The following ACACA variants were observed in gnomAD, a reference collection of about 807,000 sequenced individuals.
The protein encoded by ACACA is acetyl-CoA carboxylase 1.
Under a neutral mutation model 296.1 loss-of-function variants are expected in ACACA, and 103 were observed. That is an observed-to-expected ratio of 0.35 (90% CI 0.30 to 0.41). The LOEUF is 0.41. Ranked by LOEUF, ACACA falls within the 10% of genes least tolerant of loss-of-function variation. The pLI is 1.00. For synonymous variants in ACACA, 953 were observed against 1,038.6 expected (o/e 0.92, Z 1.58); for missense variants, 1,554 against 2,989.7 (o/e 0.52, Z 11.20).
At chr17:37,331,878 C>T (rs961527612) in intron 2 of ACACA, among the ~76,000 whole-genome samples, 33 of 151,646 alleles carry the variant, frequency 2.2e-4, no homozygotes, top group Non-Finnish European at 5.9e-5. Context: ...TTAAAACAAA[C>T]TCCAGATAGG....
chr17:37,310,568 T>C (rs1038436127), intron 3 of ACACA, among the ~76,000 whole-genome samples: 10 of 151,590 alleles, frequency 6.6e-5, no homozygotes, highest in Non-Finnish European at 1.2e-4. Context: ...CAGAGGCAGG[T>C]GGATCACCTG....
intron 52 of ACACA, 39 bp downstream of exon 52, chr17:37,111,492 A>C (rs1567672857): frequency 2.0e-6 from 3 of 1,472,050 alleles, no homozygotes; most frequent in Non-Finnish European, 2.9e-6. Flanking sequence ...AAATCAGCTG[A>C]ATGGCTCATT....
In ACACA at chr17:37,121,417, T is replaced by C. The variant is rs781108413; in HGVS notation, c.6212A>G (p.Asn2071Ser). 9 of 1,614,034 alleles carry C rather than the reference T, an allele frequency of 5.6e-6. No individual in the cohort carries two copies. Among genetic ancestry groups the C allele is most frequent in the African/African-American group, 5.3e-5 (4 of 74,910 alleles). Residue 2071 changes from asparagine to serine, a missense_variant, in exon 50 of 56, where the codon AAC (asparagine) becomes AGC (serine). By Grantham distance (46) the Asn-to-Ser change is conservative. Coordinates refer to ENST00000616317, the MANE Select transcript of ACACA (RefSeq NM_198834.3). ...FKTYQAIKDFNREGLPLMVFA... is the reference protein window; with the variant it reads ...FKTYQAIKDFSREGLPLMVFA... ...GACCATCAGAGGCAGCCCTTCCCGG[T>C]TGAAGTCCTTGATGGCCTGATACGT... is the stretch of plus-strand genomic sequence containing the variant.
Position 37,379,985 on chromosome 17 carries a change from C to T in ACACA, c.38+26277G>A, listed in dbSNP as rs1300949965. On this transcript the variant is annotated intron_variant, in intron 1 of 55. Transcript: ENST00000616317. The stretch of plus-strand genomic sequence containing the variant: ...AAAGACACATGCACACGTATGTTTA[C>T]TGCGGCACTATTCACAATAGCAAAG... Among the ~76,000 whole-genome samples the T allele has an allele frequency of 1.2e-3, 174 of 150,322 alleles. 1 individual carries two copies. Among genetic ancestry groups the T allele is most frequent in the Non-Finnish European group, 2.1e-3 (143 of 67,668 alleles).
intron 26 of ACACA, 107 bp downstream of exon 26, chr17:37,226,232 A>C (rs2079539519): frequency 1.1e-6 from 1 of 892,632 alleles, no homozygotes; most frequent in Non-Finnish European, 1.9e-6. Context: ...CATATATAGA[A>C]AATAACATGT....
In ACACA at chr17:37,255,638, G is replaced by A. The variant is rs932892307; in HGVS notation, c.1826+2065C>T. On this transcript the variant is annotated intron_variant, in intron 14 of 55. Coordinates refer to ENST00000616317, the MANE Select transcript of ACACA (RefSeq NM_198834.3). Reference sequence around the variant, plus strand: ...CTAAATGCCAACAGAGGCCAGTCTGGGAACATAAATGAGTGAGGCAGACTG... The same window carrying A: ...CTAAATGCCAACAGAGGCCAGTCTGAGAACATAAATGAGTGAGGCAGACTG... Among the ~76,000 whole-genome samples, 11 of 152,286 alleles carry A rather than the reference G, an allele frequency of 7.2e-5. No homozygotes were observed. In the South Asian group the frequency reaches 2.3e-3, roughly 32 times the overall value.
At chr17:37,394,643 G>A (rs1297203258) in intron 1 of ACACA, among the ~76,000 whole-genome samples, 2 of 150,840 alleles carry the variant, frequency 1.3e-5, no homozygotes, top group African/African-American at 2.4e-5. Context: ...TTGGGAGGCC[G>A]AGGCAGGCGG....
At chr17:37,356,705 C>A (rs923283850) in intron 1 of ACACA, among the ~76,000 whole-genome samples, 9 of 152,150 alleles carry the variant, frequency 5.9e-5, no homozygotes, top group African/African-American at 2.2e-4. Context: ...TCTTTAAGAA[C>A]ATGTTAGATA....
At chr17:37,247,094 C>G in intron 18 of ACACA, 118 bp from the exon 19 acceptor site, 2 of 1,072,336 alleles carry the variant, frequency 1.9e-6, no homozygotes, top group Non-Finnish European at 2.8e-6. Flanking sequence ...TACACACACA[C>G]AGACATATTC....
chr17:37,105,391 C>T (rs111720372), intron 52 of ACACA, among the ~76,000 whole-genome samples: 4,959 of 152,044 alleles, frequency 0.033, 221 homozygotes, highest in African/African-American at 0.099. Context: ...GCAGGAGAAT[C>T]GCTTGAACTC....
At chr17:37,334,752 G>A (rs893431224) in intron 2 of ACACA, among the ~76,000 whole-genome samples, 3 of 148,530 alleles carry the variant, frequency 2.0e-5, no homozygotes, top group Admixed American at 6.8e-5. Flanking sequence ...ACTGCACCCC[G>A]TCCATGCCCC....
intron 43 of ACACA, among the ~76,000 whole-genome samples, chr17:37,152,503 T>C (rs2076085397): frequency 1.3e-5 from 2 of 152,066 alleles, no homozygotes; most frequent in African/African-American, 4.8e-5. Flanking sequence ...TTCATAAATA[T>C]CAAGTATATA....
chr17:37,205,785 T>C lies in ACACA; in HGVS notation c.4036A>G (p.Arg1346Gly), dbSNP rs141007679. Residue 1346 changes from arginine (R) to glycine (G), a missense_variant, in exon 33 of 56, where the codon AGA (arginine) becomes GGA (glycine). Arg to Gly is a moderately radical substitution (Grantham distance 125). Around this residue, in one of 16 missense-constraint regions of ACACA, gnomAD observed 179 missense variants for 283.2 expected, o/e 0.63. Coordinates refer to ENST00000616317, the MANE Select transcript of ACACA (RefSeq NM_198834.3). ...CTTACATTTTGCTGGGTAAATTCTC[T>C]GAACATAGCTGCCAGCCTGTCATCC... ...IEDDRLAAMF[R>G]EFTQQNKATL... The C allele has an allele frequency of 1.9e-6, 3 of 1,613,644 alleles. No individual in the cohort carries two copies. The highest frequency in any genetic ancestry group is 2.2e-5 in the East Asian group (1 of 44,878).
At chr17:37,088,852 C>T in intron 55 of ACACA, 86 bp downstream of exon 55, 7 of 1,516,930 alleles carry the variant, frequency 4.6e-6, no homozygotes, top group East Asian at 2.3e-5. Flanking sequence ...AAGATTTCTG[C>T]GATCATCTCA....
At chr17:37,235,121 G>T in intron 24 of ACACA, 22 bp from the exon 25 acceptor site, 1 of 1,612,422 alleles carries the variant, frequency 6.2e-7, no homozygotes, top group Non-Finnish European at 8.5e-7. Flanking sequence ...GAAAAGAACT[G>T]GTTCTCACCC....
At chr17:37,340,386 C>A (rs950836859) in intron 1 of ACACA, among the ~76,000 whole-genome samples, 5 of 152,174 alleles carry the variant, frequency 3.3e-5, no homozygotes, top group African/African-American at 1.2e-4. Context: ...TTAAATCTAT[C>A]TAGGGTAGAA....
chr17:37,294,284 T>C (rs558300573), intron 3 of ACACA, among the ~76,000 whole-genome samples: 3 of 152,280 alleles, frequency 2.0e-5, no homozygotes, highest in Non-Finnish European at 2.9e-5. Context: ...GCATTTCTAG[T>C]TTTATTTTAC....
intron 2 of ACACA, 53 bp downstream of exon 2, chr17:37,339,751 C>T (rs2048298919): frequency 8.9e-7 from 1 of 1,128,326 alleles, no homozygotes; most frequent in Non-Finnish European, 1.3e-6. Context: ...TATTTTACAA[C>T]ATGAACAAAA....
chr17:37,280,992 A>G (rs923074734), intron 5 of ACACA, among the ~76,000 whole-genome samples: 17 of 150,516 alleles, frequency 1.1e-4, no homozygotes, highest in African/African-American at 3.7e-4. Context: ...TCTCCCCCCA[A>G]TTGCTTCACT....
Sources: gnomAD v4.1 joint callset for allele counts (sites outside exome capture counted in the v4.1 genomes callset) on GRCh38, gnomAD v4.1.1 for gene constraint, gnomAD v4.1.1 regional missense constraint, MANE v1.5 for transcripts, NCBI Gene and HGNC (gene_info 2026-07-23, HGNC 2026-07-21) for gene names.